EXOC4: variants seen among roughly 807,000 people sequenced by gnomAD.
EXOC4 encodes exocyst complex component 4.
A neutral mutation model predicts 107.2 loss-of-function variants in EXOC4; 71 were observed. That is an observed-to-expected ratio of 0.66 (90% CI 0.55 to 0.81). The LOEUF is 0.81. Ranked by LOEUF, EXOC4 falls within the 30% of genes least tolerant of loss-of-function variation. The pLI is 0.00. For missense variants in EXOC4, 1,108 were observed against 1,189.6 expected (o/e 0.93, Z 1.01); for synonymous variants, 456 against 441.2 (o/e 1.03, Z -0.42).
intron 7 of EXOC4, among the ~76,000 whole-genome samples, chr7:133,434,712 A>G (rs1488520789): frequency 2.6e-5 from 4 of 152,294 alleles, no homozygotes; most frequent in South Asian, 4.1e-4. Context: ...TGTTTAACCA[A>G]TTTTTTAAAG....
chr7:133,430,952 G>A (rs1457423102), intron 7 of EXOC4, among the ~76,000 whole-genome samples: 1 of 152,126 alleles, frequency 6.6e-6, no homozygotes, highest in Non-Finnish European at 1.5e-5. Context: ...GTTCACTTCT[G>A]TATCCACTCC....
chr7:133,293,698 G>A (rs1264633250), intron 3 of EXOC4, among the ~76,000 whole-genome samples: 2 of 152,200 alleles, frequency 1.3e-5, no homozygotes, highest in Non-Finnish European at 2.9e-5. Flanking sequence ...TGATAACCGA[G>A]TATTGCATAA....
intron 7 of EXOC4, among the ~76,000 whole-genome samples, chr7:133,391,499 G>A (rs763901262): frequency 1.3e-5 from 2 of 152,152 alleles, no homozygotes; most frequent in African/African-American, 2.4e-5. Flanking sequence ...TGTAGGACAC[G>A]TGCGTACTGG....
intron 7 of EXOC4, among the ~76,000 whole-genome samples, chr7:133,405,100 T>A (rs896405788): frequency 6.6e-6 from 1 of 152,030 alleles, no homozygotes; most frequent in African/African-American, 2.4e-5. Flanking sequence ...AAAGAGAAAA[T>A]TAAAACTTAG....
At chr7:133,253,355 C>G in intron 1 of EXOC4, 168 bp downstream of exon 1, 1 of 1,405,806 alleles carries the variant, frequency 7.1e-7, no homozygotes, top group South Asian at 1.7e-5. Flanking sequence ...GCAATTCCCC[C>G]TCCACCTTTT....
rs1439846386 is a variant in EXOC4 at position 133,896,905 on chromosome 7, C to T, written c.1871+1170C>T. Reference sequence around the variant, plus strand: ...GTCGCGAATTCCTAACCTCATGATCCGCCCACCTCGGTCTCCCAAAGTGCT... The same window carrying T: ...GTCGCGAATTCCTAACCTCATGATCTGCCCACCTCGGTCTCCCAAAGTGCT... On this transcript the variant is annotated intron_variant, in intron 12 of 17. Coordinates refer to ENST00000253861, the MANE Select transcript of EXOC4 (RefSeq NM_021807.4). Among the ~76,000 whole-genome samples, 4 of 90,960 alleles carry T rather than the reference C, an allele frequency of 4.4e-5. 1 individual carries two copies. 59.7% of individuals were successfully genotyped at this position (90,960 alleles called of 152,430 possible).
chr7:133,337,225 T>C (rs889233389), intron 5 of EXOC4, among the ~76,000 whole-genome samples: 3 of 152,202 alleles, frequency 2.0e-5, no homozygotes, highest in East Asian at 1.9e-4. Flanking sequence ...ATGAATGATA[T>C]TGTGTAGTCT....
In EXOC4 at chr7:133,917,568, A is replaced by G. The variant is rs770499301; in HGVS notation, c.1872-15A>G. ...CATCATGCTACAGTGTCTCTTTTCT[A>G]TTGGCTGTGTTTAGGGGTATTGTCC... On this transcript the variant is annotated splice_polypyrimidine_tract_variant and intron_variant, in intron 12 of 17. Coordinates refer to ENST00000253861, the MANE Select transcript of EXOC4 (RefSeq NM_021807.4). 16 of 1,612,066 alleles carry G rather than the reference A, an allele frequency of 9.9e-6. No homozygotes were observed. The highest frequency in any genetic ancestry group is 1.3e-5 in the African/African-American group (1 of 74,972).
chr7:133,690,276 T>C (rs1794391516), intron 10 of EXOC4, among the ~76,000 whole-genome samples: 1 of 152,268 alleles, frequency 6.6e-6, no homozygotes, highest in Admixed American at 6.5e-5. Context: ...TATTTACTTT[T>C]AATTTTCTTG....
intron 7 of EXOC4, among the ~76,000 whole-genome samples, chr7:133,413,476 C>T (rs1179064140): frequency 6.6e-6 from 1 of 152,104 alleles, no homozygotes; most frequent in Non-Finnish European, 1.5e-5. Context: ...TTCATAGACT[C>T]ACATTGGGAT....
chr7:133,341,046 T>C (rs1243113211), intron 5 of EXOC4, among the ~76,000 whole-genome samples: 1 of 152,200 alleles, frequency 6.6e-6, no homozygotes, highest in Admixed American at 6.5e-5. Context: ...AGTTCTGCAC[T>C]GATCTTGGTT....
chr7:133,705,151 G>C (rs1160535356), intron 10 of EXOC4, among the ~76,000 whole-genome samples: 2 of 152,118 alleles, frequency 1.3e-5, no homozygotes, highest in Non-Finnish European at 2.9e-5. Context: ...ATCACTTGAG[G>C]TCAGGAGTTC....
intron 10 of EXOC4, among the ~76,000 whole-genome samples, chr7:133,715,278 G>T (rs1377917617): frequency 6.6e-6 from 1 of 152,172 alleles, no homozygotes; most frequent in Non-Finnish European, 1.5e-5. Context: ...CTCCTGAGTA[G>T]CTGGGACTAC....
chr7:133,792,942 T>TGGA (rs1796735697), intron 10 of EXOC4, among the ~76,000 whole-genome samples: 1 of 152,176 alleles, frequency 6.6e-6, no homozygotes. Flanking sequence ...TGAGTCATCC[T>TGGA]CCCAGGCTGC....
intron 10 of EXOC4, among the ~76,000 whole-genome samples, chr7:133,642,263 T>A (rs755465276): frequency 9.2e-5 from 14 of 152,192 alleles, no homozygotes; most frequent in Non-Finnish European, 1.6e-4. Context: ...TTGTGGTAAT[T>A]TGAGAATAAG....
intron 14 of EXOC4, among the ~76,000 whole-genome samples, chr7:133,980,314 C>T (rs1057083753): frequency 2.6e-5 from 4 of 152,352 alleles, no homozygotes; most frequent in East Asian, 1.9e-4. Flanking sequence ...AGGAATCTCA[C>T]TCTTCCAGGA....
rs980298869 is a variant in EXOC4 at position 133,817,443 on chromosome 7, A to G, written c.1633A>G (p.Asn545Asp). 8 of 1,614,102 alleles carry G rather than the reference A, an allele frequency of 5.0e-6. No homozygotes were observed. The highest frequency in any genetic ancestry group is 6.8e-6 in the Non-Finnish European group (8 of 1,179,960). Reference protein sequence around the residue: ...IFLNQVLAEINKEIEGVTKTS... With the variant: ...IFLNQVLAEIDKEIEGVTKTS... ...TCTCAATCAAGTCTTGGCTGAGATCAACAAGGAGATTGAAGGAGTCACTAA... is the reference window on the plus strand; with the variant it reads ...TCTCAATCAAGTCTTGGCTGAGATCGACAAGGAGATTGAAGGAGTCACTAA... The change falls in exon 11 of 18, where the codon AAC becomes GAC. Residue 545 changes from asparagine (N) to aspartate (D), a missense_variant. Asn to Asp is a conservative substitution (Grantham distance 23). Coordinates refer to ENST00000253861, the MANE Select transcript of EXOC4 (RefSeq NM_021807.4).
chr7:133,288,297 T>C (rs995282650), intron 2 of EXOC4, among the ~76,000 whole-genome samples: 4 of 152,202 alleles, frequency 2.6e-5, no homozygotes, highest in African/African-American at 9.6e-5. Context: ...TGCTAGTCAC[T>C]ATACTATGCA....
At chr7:134,048,719 A>C (rs780645162) in intron 17 of EXOC4, among the ~76,000 whole-genome samples, 1 of 152,180 alleles carries the variant, frequency 6.6e-6, no homozygotes, top group African/African-American at 2.4e-5. Flanking sequence ...TTTGACCTGA[A>C]GGAGACATAC....
Sources: allele counts gnomAD v4.1 joint callset (sites outside exome capture counted in the v4.1 genomes callset), GRCh38; gene constraint gnomAD v4.1.1; transcripts MANE v1.5; gene names NCBI Gene and HGNC (gene_info 2026-07-23, HGNC 2026-07-21).